Variants in GAN observed in about 807,000 individuals in gnomAD.
The protein encoded by GAN is gigaxonin.
Under a neutral mutation model 71.3 loss-of-function variants are expected in GAN, and 48 were observed. That is an observed-to-expected ratio of 0.67 (90% CI 0.53 to 0.86). GAN has a LOEUF of 0.86. Among genes scored for constraint, GAN ranks in the 40% least tolerant of loss-of-function variants. The pLI, the probability that GAN is intolerant of heterozygous loss-of-function variation, is 0.00. For missense variants in GAN, 928 were observed against 770.1 expected (o/e 1.21, Z -2.43); for synonymous variants, 386 against 276.8 (o/e 1.39, Z -3.92).
intron 2 of GAN, 64 bp from the exon 3 acceptor site, chr16:81,354,341 A>C (rs528936296): frequency 1.0e-6 from 1 of 965,864 alleles, no homozygotes; most frequent in Admixed American, 1.8e-5. Context: ...CCCAATTAAT[A>C]GGTTAGTGGT....
chr16:81,363,878 A>G lies in GAN; in HGVS notation c.1171A>G (p.Met391Val), dbSNP rs367600164. ...GEDGEKELISMECYDIYSKTW... is the reference protein window; with the variant it reads ...GEDGEKELISVECYDIYSKTW... Reference sequence around the variant, plus strand: ...GGATGGTGAAAAGGAGCTGATTTCCATGGAGTGTTACGATATTTATTCTAA... The same window carrying G: ...GGATGGTGAAAAGGAGCTGATTTCCGTGGAGTGTTACGATATTTATTCTAA... The change falls in exon 7 of 11, where the codon ATG (methionine) becomes GTG (valine). Residue 391 changes from methionine (M) to valine (V), a missense_variant. Transcript: ENST00000648994. 5.6e-6 allele frequency: 9 copies of G among 1,612,348 alleles called. No individual in the cohort carries two copies. Among genetic ancestry groups the G allele is most frequent in the South Asian group, 1.1e-5 (1 of 91,056 alleles).
At chr16:81,323,821 CT>C (rs1455492876) in intron 1 of GAN, among the ~76,000 whole-genome samples, 4 of 152,276 alleles carry the variant, frequency 2.6e-5, no homozygotes, top group Admixed American at 2.6e-4. Context: ...GGACTCCATC[CT>C]CTTGTGCTGC....
chr16:81,316,562 C>T (rs1190024361), intron 1 of GAN, among the ~76,000 whole-genome samples: 3 of 152,190 alleles, frequency 2.0e-5, no homozygotes, highest in Non-Finnish European at 4.4e-5. Flanking sequence ...ATGTGACAGA[C>T]AGCTTCTAGC....
intron 1 of GAN, among the ~76,000 whole-genome samples, chr16:81,337,954 C>T (rs1567484511): frequency 6.6e-6 from 1 of 152,266 alleles, no homozygotes; most frequent in Admixed American, 6.5e-5. Context: ...GGGTAGGTCT[C>T]AGGGCTGAGT....
chr16:81,356,206 T>C (rs367727642), intron 3 of GAN, among the ~76,000 whole-genome samples: 9 of 151,590 alleles, frequency 5.9e-5, no homozygotes, highest in East Asian at 5.8e-4. Flanking sequence ...TAAAATACTT[T>C]CGTCAGTTCA....
chr16:81,335,757 A>G (rs1002144336), intron 1 of GAN, among the ~76,000 whole-genome samples: 3 of 151,846 alleles, frequency 2.0e-5, no homozygotes, highest in Non-Finnish European at 4.4e-5. Context: ...AAAAAAAAAA[A>G]AAAAAAAAAT....
rs143933411 is a variant in GAN, at chr16:81,357,034, G to C, written c.851+32G>C. ...ATGAGGTGGGACTTGTTTGAAAAGT[G>C]GTGTATGGGAAGAGGTAGTTCCATG... On this transcript the variant is annotated intron_variant, in intron 4 of 10. Coordinates refer to ENST00000648994, the MANE Select transcript of GAN (RefSeq NM_022041.4). The C allele has an allele frequency of 1.8e-4, 224 of 1,263,346 alleles. No individual in the cohort carries two copies. The Middle Eastern group carries it at 1.8e-3, about 10-fold the overall frequency. 78.3% of individuals were successfully genotyped at this position (1,263,346 alleles called of 1,614,324 possible).
rs1015190615 is a variant in GAN, at chr16:81,383,743, G to A, written c.*6147G>A. 1 of 152,042 alleles carries A rather than the reference G, an allele frequency of 6.6e-6. No individual in the cohort carries two copies. Among genetic ancestry groups the A allele is most frequent in the Non-Finnish European group, 1.5e-5 (1 of 68,010 alleles). 9.4% of individuals were successfully genotyped at this position (152,042 alleles called of 1,614,324 possible). A position where few individuals can be genotyped will look rare whatever the true frequency, so the allele number is the denominator to read the frequency against. ...GTGATATGAATTAGAGAAGGAACAGGTGGAAAAGGATGGCAACACACAGAG... is the reference window on the plus strand; with the variant it reads ...GTGATATGAATTAGAGAAGGAACAGATGGAAAAGGATGGCAACACACAGAG... On this transcript the variant is annotated 3_prime_UTR_variant, in exon 11 of 11. Transcript: ENST00000648994.
At chr16:81,362,691 G>T in intron 6 of GAN, 80 bp downstream of exon 6, 1 of 833,216 alleles carries the variant, frequency 1.2e-6, no homozygotes, top group South Asian at 1.4e-5. Context: ...TCTGAGTTCA[G>T]GGAAGAAACG....
intron 9 of GAN, among the ~76,000 whole-genome samples, chr16:81,376,462 C>CGT (rs1904279931): frequency 1.1e-5 from 1 of 93,778 alleles, no homozygotes. Context: ...TTTATACATA[C>CGT]ATATGTGTGT....
chr16:81,370,069 A>G (rs530880439), intron 9 of GAN, among the ~76,000 whole-genome samples: 14 of 152,308 alleles, frequency 9.2e-5, no homozygotes, highest in Admixed American at 5.9e-4. Flanking sequence ...GGGTCACCAG[A>G]AGCAGTTTGC....
rs1254409580 is a variant in GAN at position 81,357,017 on chromosome 16, G to A, written c.851+15G>A. The A allele has an allele frequency of 2.7e-6, 4 of 1,487,300 alleles. No individual in the cohort carries two copies. Among genetic ancestry groups the A allele is most frequent in the Non-Finnish European group, 3.8e-6 (4 of 1,065,874 alleles). 92.1% of individuals were successfully genotyped at this position (1,487,300 alleles called of 1,614,324 possible). On this transcript the variant is annotated intron_variant, in intron 4 of 10. Coordinates refer to ENST00000648994, the MANE Select transcript of GAN (RefSeq NM_022041.4). ...GAAGAGAGAGTGTAAGTATGAGGTG[G>A]GACTTGTTTGAAAAGTGGTGTATGG... is the stretch of plus-strand genomic sequence containing the variant.
In GAN at chr16:81,387,101, C is replaced by T. The variant is rs1161318138; in HGVS notation, c.*9505C>T. ...GCAGCATCCTGTTTGACATTTGTAT[C>T]CATAACTTGAATAAAAATATAGAAG... On this transcript the variant is annotated 3_prime_UTR_variant, in exon 11 of 11. Coordinates refer to ENST00000648994, the MANE Select transcript of GAN (RefSeq NM_022041.4). 6.6e-6 allele frequency: 1 copy of T among 152,172 alleles called. No homozygotes were observed. The highest frequency in any genetic ancestry group is 2.4e-5 in the African/African-American group (1 of 41,422). 9.4% of individuals were successfully genotyped at this position (152,172 alleles called of 1,614,324 possible).
intron 1 of GAN, among the ~76,000 whole-genome samples, chr16:81,350,778 C>T (rs1050709783): frequency 6.6e-6 from 1 of 152,144 alleles, no homozygotes; most frequent in Admixed American, 6.5e-5. Context: ...CTCGGCCTCC[C>T]AAAGTGTTGG....
chr16:81,360,986 G>A (rs1910654385), intron 5 of GAN, among the ~76,000 whole-genome samples: 1 of 152,170 alleles, frequency 6.6e-6, no homozygotes, highest in African/African-American at 2.4e-5. Context: ...CACTTTTGGA[G>A]GCTGAGGCGG....
chr16:81,376,061 A>G (rs1366889492), intron 9 of GAN, among the ~76,000 whole-genome samples: 2 of 152,166 alleles, frequency 1.3e-5, no homozygotes, highest in Admixed American at 6.5e-5. Context: ...AGTATACGCC[A>G]TTAAAGTAGC....
intron 9 of GAN, among the ~76,000 whole-genome samples, chr16:81,376,577 G>A (rs1904281265): frequency 1.3e-5 from 2 of 148,842 alleles, no homozygotes; most frequent in Admixed American, 1.3e-4. Context: ...GTGTATATGT[G>A]TATATATGTA....
chr16:81,349,376 C>T lies in GAN; in HGVS notation c.168-2207C>T, dbSNP rs1007566739. 6.6e-5 allele frequency among the ~76,000 whole-genome samples: 10 copies of T among 152,208 alleles called. No individual in the cohort carries two copies. In the East Asian group the frequency reaches 1.5e-3, roughly 24 times the overall value. On this transcript the variant is annotated intron_variant, in intron 1 of 10. Transcript: ENST00000648994. Reference sequence around the variant, plus strand: ...CATATGAAATTTCATTGGCTGGGTGCGGTGGCTCATGCCTATAATCGCAGC... The same window carrying T: ...CATATGAAATTTCATTGGCTGGGTGTGGTGGCTCATGCCTATAATCGCAGC...
rs1910500655 is a variant in GAN at position 81,356,809 on chromosome 16, G to A, written c.658G>A (p.Ala220Thr). The change falls in exon 4 of 11, where the codon GCT becomes ACT. Residue 220 changes from alanine to threonine, a missense_variant. By Grantham distance (58) the Ala-to-Thr change is moderately conservative. Coordinates refer to ENST00000648994, the MANE Select transcript of GAN (RefSeq NM_022041.4). ...RKVHMKDVMS[A>T]LWVSGLDSSY... ...GGTCCACATGAAGGATGTTATGTCAGCTCTGTGGGTTTCAGGGTTGGACTC... is the reference window on the plus strand; with the variant it reads ...GGTCCACATGAAGGATGTTATGTCAACTCTGTGGGTTTCAGGGTTGGACTC... 1 of 1,613,016 alleles carries A rather than the reference G, an allele frequency of 6.2e-7. No individual in the cohort carries two copies. The highest frequency in any genetic ancestry group is 1.3e-5 in the African/African-American group (1 of 75,008).
Sources: allele counts gnomAD v4.1 joint callset (sites outside exome capture counted in the v4.1 genomes callset), GRCh38; gene constraint gnomAD v4.1.1; transcripts MANE v1.5; gene names NCBI Gene and HGNC (gene_info 2026-07-23, HGNC 2026-07-21).